The following ADGRD1 variants were observed in gnomAD, a reference collection of about 807,000 sequenced individuals.
The protein encoded by ADGRD1 is adhesion G protein-coupled receptor D1.
In ADGRD1, 77 loss-of-function variants were observed where a neutral mutation model predicts 113.4. The observed-to-expected ratio is 0.68, with a 90% confidence interval of 0.57 to 0.82. The LOEUF is 0.82. Among genes scored for constraint, ADGRD1 ranks in the 40% least tolerant of loss-of-function variants. The pLI, the probability that ADGRD1 is intolerant of heterozygous loss-of-function variation, is 0.00. For missense variants in ADGRD1, 1,036 were observed against 1,139.1 expected (o/e 0.91, Z 1.30); for synonymous variants, 474 against 475.0 (o/e 1.00, Z 0.03).
intron 13 of ADGRD1, among the ~76,000 whole-genome samples, chr12:131,068,656 C>G (rs1401385231): frequency 2.0e-5 from 3 of 152,190 alleles, no homozygotes; most frequent in African/African-American, 7.2e-5. Context: ...CAATGCTTTC[C>G]CCTTGTTTCT....
chr12:130,962,169 G>A (rs1348874340), intron 2 of ADGRD1: 1 of 152,334 alleles, frequency 6.6e-6, no homozygotes, highest in African/African-American at 2.4e-5. Context: ...TTTCCAGTCA[G>A]TGTTGCTAGT....
rs2136126518 is a variant in ADGRD1 at position 131,140,872 on chromosome 12, A to C, written c.*1609A>C. 6.6e-6 allele frequency: 1 copy of C among 152,446 alleles called. No individual in the cohort carries two copies. The highest frequency in any genetic ancestry group is 2.1e-4 in the South Asian group (1 of 4,832). The allele number at this position is 152,446 out of a possible 1,614,324, so 9.4% of individuals were successfully genotyped here. A position where few individuals can be genotyped will look rare whatever the true frequency, so the allele number is the denominator to read the frequency against. ...CCACCTGCCACATGGTGACAGTGCC[A>C]CGGGCCCTGCGTATGGCCCCTGCAA... On this transcript the variant is annotated 3_prime_UTR_variant, in exon 25 of 25. Transcript: ENST00000261654.
At chr12:131,010,367 G>C (rs1877717120) in intron 12 of ADGRD1, among the ~76,000 whole-genome samples, 1 of 152,212 alleles carries the variant, frequency 6.6e-6, no homozygotes, top group Non-Finnish European at 1.5e-5. Context: ...CTTTACCAGG[G>C]AATATTTTCA....
chr12:131,017,736 AC>A (rs1566034059), intron 13 of ADGRD1, among the ~76,000 whole-genome samples: 1 of 149,020 alleles, frequency 6.7e-6, no homozygotes, highest in Non-Finnish European at 1.5e-5. Flanking sequence ...CATACCCAGC[AC>A]AGACACACCC....
In ADGRD1 at chr12:130,971,328, TTATAAA is replaced by T; in HGVS notation, c.188-125_188-120del. ...TATTATCATAGAATAATATATGATG[TTATAAA>T]TATATACTTAGATAAATAATAATGC... On this transcript the variant is annotated intron_variant, in intron 3 of 24. Coordinates refer to ENST00000261654, the MANE Select transcript of ADGRD1 (RefSeq NM_198827.5). This position sits in a 1 kb window ranked among gnomAD's most constrained non-coding sequence, Gnocchi z 4.2. The T allele has an allele frequency of 2.1e-6, 1 of 470,064 alleles. No homozygotes were observed. The highest frequency in any genetic ancestry group is 3.7e-6 in the Non-Finnish European group (1 of 269,140). 29.1% of individuals were successfully genotyped at this position (470,064 alleles called of 1,614,324 possible). A position where few individuals can be genotyped will look rare whatever the true frequency, so the allele number is the denominator to read the frequency against.
chr12:131,006,948 T>C (rs1877201507), intron 12 of ADGRD1, among the ~76,000 whole-genome samples: 1 of 152,192 alleles, frequency 6.6e-6, no homozygotes, highest in Non-Finnish European at 1.5e-5. Context: ...TCTCAGTTAT[T>C]TGGGGAGATC....
chr12:131,121,158 C>T (rs923528432), intron 20 of ADGRD1, among the ~76,000 whole-genome samples: 3 of 152,160 alleles, frequency 2.0e-5, no homozygotes, highest in Non-Finnish European at 2.9e-5. Flanking sequence ...CCAGTCGAGG[C>T]GGCAGGTGCA....
chr12:131,016,131 C>A (rs1161566099), intron 13 of ADGRD1, among the ~76,000 whole-genome samples: 1 of 152,248 alleles, frequency 6.6e-6, no homozygotes, highest in Admixed American at 6.5e-5. Context: ...TCCTCCAAGC[C>A]CTCTGCGGCC....
intron 5 of ADGRD1, 79 bp from the exon 6 acceptor site, chr12:130,987,016 T>A (rs1593299469): frequency 8.1e-7 from 1 of 1,233,476 alleles, no homozygotes; most frequent in East Asian, 2.3e-5. Context: ...AAGAAGGATG[T>A]GCCTACAAAC....
intron 21 of ADGRD1, among the ~76,000 whole-genome samples, chr12:131,133,110 G>A (rs1329532309): frequency 6.6e-6 from 1 of 152,064 alleles, no homozygotes; most frequent in Non-Finnish European, 1.5e-5. Flanking sequence ...CCATTGCTGA[G>A]ACCAGGATGG....
At chr12:131,076,740 G>T (rs769863875) in intron 13 of ADGRD1, 61 bp from the exon 14 acceptor site, 1 of 1,432,374 alleles carries the variant, frequency 7.0e-7, no homozygotes, top group East Asian at 2.3e-5. Context: ...TCACATCAGT[G>T]CTGAGAACCA....
At position 131,137,814 on chromosome 12, in the gene ADGRD1, GCCCGCCCA is replaced by G. The variant is rs945296215; in HGVS notation, c.2437-316_2437-309del. On this transcript the variant is annotated intron_variant, in intron 23 of 24. Coordinates refer to ENST00000261654, the MANE Select transcript of ADGRD1 (RefSeq NM_198827.5). Reference sequence around the variant, plus strand: ...GAAGGCAGTGCAGCCATGGAAGCCCGCCCGCCCACCCGCCTGCCTGCCCACCACGCATT... The same window carrying G: ...GAAGGCAGTGCAGCCATGGAAGCCCGCCCGCCTGCCTGCCCACCACGCATT... 1.3e-3 allele frequency: 84 copies of G among 63,690 alleles called. 2 individuals carry two copies. Among genetic ancestry groups the G allele is most frequent in the African/African-American group, 4.6e-3 (70 of 15,124 alleles). 3.9% of individuals were successfully genotyped at this position (63,690 alleles called of 1,614,324 possible). A position where few individuals can be genotyped will look rare whatever the true frequency, so the allele number is the denominator to read the frequency against.
At chr12:131,026,931 A>G (rs540368196) in intron 13 of ADGRD1, 1 of 152,322 alleles carries the variant, frequency 6.6e-6, no homozygotes, top group South Asian at 2.1e-4. Context: ...GTTGCGGACT[A>G]TTACACACAG....
intron 13 of ADGRD1, among the ~76,000 whole-genome samples, chr12:131,067,676 G>A (rs1165651006): frequency 9.8e-6 from 1 of 102,130 alleles, no homozygotes; most frequent in Non-Finnish European, 2.1e-5. Flanking sequence ...ATGTCTGATC[G>A]CTGTGCCCCT....
At chr12:131,006,147 C>T (rs1877086297) in intron 12 of ADGRD1, 100 bp downstream of exon 12, 4 of 1,030,172 alleles carry the variant, frequency 3.9e-6, no homozygotes, top group Non-Finnish European at 6.0e-6. Context: ...ACACTGAGAA[C>T]TCTGGACACG....
chr12:131,138,516 C>T lies in ADGRD1; in HGVS notation c.2529+287C>T, dbSNP rs953702782. 2.0e-5 allele frequency among the ~76,000 whole-genome samples: 3 copies of T among 152,298 alleles called. No individual in the cohort carries two copies. In the East Asian group the frequency reaches 5.8e-4, roughly 29 times the overall value. On this transcript the variant is annotated intron_variant, in intron 24 of 24. Transcript: ENST00000261654. ...TAGAGATCAACTGACCGTGAGGTGGCCCATCCCCGCCGCCCTCCAGAGCCC... is the reference window on the plus strand; with the variant it reads ...TAGAGATCAACTGACCGTGAGGTGGTCCATCCCCGCCGCCCTCCAGAGCCC...
Position 130,954,663 on chromosome 12 carries a change from A to G in ADGRD1, c.103+3A>G, listed in dbSNP as rs932576543. On this transcript the variant is annotated splice_donor_region_variant and intron_variant, in intron 2 of 24. Transcript: ENST00000261654. This position sits in a 1 kb window ranked among gnomAD's most constrained non-coding sequence, Gnocchi z 4.7. ...CTCCAGATCGCAGGACCATCCAGGT[A>G]AGAGTGTTTCCTTCTCACTCTGAGC... 10 of 1,612,532 alleles carry G rather than the reference A, an allele frequency of 6.2e-6. No homozygotes were observed. In the Admixed American group the frequency reaches 1.0e-4, roughly 16 times the overall value.
At chr12:131,032,224 C>T (rs747778305) in intron 13 of ADGRD1, among the ~76,000 whole-genome samples, 13 of 152,174 alleles carry the variant, frequency 8.5e-5, no homozygotes, top group African/African-American at 2.4e-4. Flanking sequence ...AGGCGGCAGA[C>T]GTTCCCTCTC....
At chr12:130,968,448 A>G (rs1210693450) in intron 3 of ADGRD1, 2 of 156,354 alleles carry the variant, frequency 1.3e-5, no homozygotes, top group Non-Finnish European at 2.8e-5. Flanking sequence ...AATAGACCCC[A>G]TCAGCACATT....
Sources: allele counts gnomAD v4.1 joint callset (sites outside exome capture counted in the v4.1 genomes callset), GRCh38; gene constraint gnomAD v4.1.1; non-coding constraint Gnocchi (gnomAD v3.1); transcripts MANE v1.5; gene names NCBI Gene and HGNC (gene_info 2026-07-23, HGNC 2026-07-21).